KDM5B: variants seen among roughly 807,000 people sequenced by gnomAD.
The protein encoded by KDM5B is lysine-specific demethylase 5B.
In KDM5B, 144 loss-of-function variants were observed where a neutral mutation model predicts 193.4. That is an observed-to-expected ratio of 0.74 (90% CI 0.65 to 0.86). KDM5B has a LOEUF of 0.86. Ranked by LOEUF, KDM5B falls within the 40% of genes least tolerant of loss-of-function variation. The probability of loss-of-function intolerance (pLI) is 0.00; values close to 1 mark genes in which losing one functional copy is unlikely to be tolerated. For synonymous variants in KDM5B, 668 were observed against 682.6 expected (o/e 0.98, Z 0.33); for missense variants, 1,833 against 1,886.9 (o/e 0.97, Z 0.53).
chr1:202,791,560 A>G (rs1006925878), intron 1 of KDM5B, among the ~76,000 whole-genome samples: 1 of 151,756 alleles, frequency 6.6e-6, no homozygotes, highest in Non-Finnish European at 1.5e-5. Context: ...ACGCAACCCT[A>G]CTCTAATCCA....
Position 202,748,030 on chromosome 1 carries a change from C to T in KDM5B, c.2016+915G>A, listed in dbSNP as rs1421969859. On this transcript the variant is annotated intron_variant, in intron 14 of 26. Coordinates refer to ENST00000367265, the MANE Select transcript of KDM5B (RefSeq NM_006618.5). ...AGACTTCTTAGAAAGCTACAATAAT[C>T]AAGACCATTTAGTATTAGCAATAGA... Among the ~76,000 whole-genome samples the T allele has an allele frequency of 2.0e-5, 3 of 152,046 alleles. No homozygotes were observed. The East Asian group carries it at 5.8e-4, about 29-fold the overall frequency.
chr1:202,756,593 A>C (rs1229034127), intron 9 of KDM5B, 77 bp from the exon 10 acceptor site: 10 of 1,125,186 alleles, frequency 8.9e-6, no homozygotes, highest in Non-Finnish European at 1.2e-5. Flanking sequence ...GATGGGAATC[A>C]AAGAACAGCA....
chr1:202,807,713 C>A (rs1204622406), intron 1 of KDM5B, among the ~76,000 whole-genome samples: 2 of 148,714 alleles, frequency 1.3e-5, no homozygotes, highest in Admixed American at 6.7e-5. Flanking sequence ...GCCTGCCGAG[C>A]CTCGCCGGGC....
At chr1:202,789,045 C>T (rs117809720) in intron 1 of KDM5B, among the ~76,000 whole-genome samples, 1,753 of 152,240 alleles carry the variant, frequency 0.012, 45 homozygotes, top group South Asian at 0.098. Flanking sequence ...AAACATCCCA[C>T]ACCCTAACTT....
chr1:202,744,122 C>A (rs1233411485), intron 16 of KDM5B, among the ~76,000 whole-genome samples: 5 of 151,916 alleles, frequency 3.3e-5, no homozygotes, highest in Non-Finnish European at 7.4e-5. Flanking sequence ...ATATAAGGAA[C>A]TTAAAACAAA....
At chr1:202,769,802 G>T (rs1656638088) in intron 4 of KDM5B, among the ~76,000 whole-genome samples, 1 of 151,694 alleles carries the variant, frequency 6.6e-6, no homozygotes, top group Non-Finnish European at 1.5e-5. Context: ...GTCCTCAGTT[G>T]AGCATTTAGA....
At chr1:202,799,330 C>T (rs1184495995) in intron 1 of KDM5B, among the ~76,000 whole-genome samples, 1 of 152,200 alleles carries the variant, frequency 6.6e-6, no homozygotes, top group African/African-American at 2.4e-5. Flanking sequence ...CTCCTGTCCT[C>T]TTTTACATAA....
At chr1:202,734,280 C>T (rs114566381) in intron 22 of KDM5B, among the ~76,000 whole-genome samples, 3,135 of 137,150 alleles carry the variant, frequency 0.023, 76 homozygotes, top group Non-Finnish European at 0.032. Flanking sequence ...CCAGAATAAA[C>T]TCTCCATTAT....
Position 202,808,327 on chromosome 1 carries a change from G to A in KDM5B, c.-22C>T. On this transcript the variant is annotated 5_prime_UTR_variant, in exon 1 of 27. Coordinates refer to ENST00000367265, the MANE Select transcript of KDM5B (RefSeq NM_006618.5). ...CCATCACCGCAGGCTGGGCAAGGGC[G>A]AGGCGAAGGTGGGCTCCGGGACCGA... 1 of 1,557,646 alleles carries A rather than the reference G, an allele frequency of 6.4e-7. No individual in the cohort carries two copies. Among genetic ancestry groups the A allele is most frequent in the African/African-American group, 1.4e-5 (1 of 73,746 alleles).
intron 9 of KDM5B, among the ~76,000 whole-genome samples, chr1:202,757,213 C>G (rs1656057568): frequency 6.6e-6 from 1 of 152,284 alleles, no homozygotes; most frequent in Admixed American, 6.5e-5. Context: ...TGACAGGACG[C>G]AGAGCTCGGG....
chr1:202,796,729 G>T, intron 1 of KDM5B: 1 of 182,726 alleles, frequency 5.5e-6, no homozygotes. Flanking sequence ...ACGAGCTAGT[G>T]AAGAGCTGGC....
intron 16 of KDM5B, among the ~76,000 whole-genome samples, chr1:202,743,719 A>G (rs573728208): frequency 6.6e-6 from 1 of 152,362 alleles, no homozygotes; most frequent in African/African-American, 2.4e-5. Flanking sequence ...TCTTCAACTA[A>G]TCTAACAAAA....
At chr1:202,791,362 G>C (rs1470057867) in intron 1 of KDM5B, among the ~76,000 whole-genome samples, 1 of 152,112 alleles carries the variant, frequency 6.6e-6, no homozygotes, top group East Asian at 1.9e-4. Flanking sequence ...CTAGAGTTGA[G>C]ACTTCAGAAA....
At chr1:202,780,788 T>TAAA (rs11412721) in intron 1 of KDM5B, among the ~76,000 whole-genome samples, 2 of 129,262 alleles carry the variant, frequency 1.5e-5, no homozygotes, top group South Asian at 2.4e-4. Context: ...TTGCCATTAC[T>TAAA]AAAAAAAAAA....
At chr1:202,761,394 T>C (rs528444670) in intron 7 of KDM5B, among the ~76,000 whole-genome samples, 60 of 152,292 alleles carry the variant, frequency 3.9e-4, no homozygotes, top group African/African-American at 1.4e-3. Flanking sequence ...GCAGTAGCTA[T>C]GATTGTGTCA....
intron 10 of KDM5B, 24 bp from the exon 11 acceptor site, chr1:202,755,476 G>A: frequency 6.3e-7 from 1 of 1,579,746 alleles, no homozygotes; most frequent in South Asian, 1.1e-5. Context: ...GACAAAAGAG[G>A]ATAAAGGTTT....
rs114705884 is a variant in KDM5B, at chr1:202,757,154, T to G, written c.1198-638A>C. On this transcript the variant is annotated intron_variant, in intron 9 of 26. Coordinates refer to ENST00000367265, the MANE Select transcript of KDM5B (RefSeq NM_006618.5). ...CAACCTAGATCCTTTGCATAGGCAG[T>G]TCACAATAGGGTTTGCCCTCCTATG... Among the ~76,000 whole-genome samples the G allele has an allele frequency of 6.8e-3, 1,029 of 152,252 alleles. 15 individuals carry two copies. The highest frequency in any genetic ancestry group is 0.024 in the African/African-American group (998 of 41,550).
At chr1:202,744,043 TA>T (rs1655454703) in intron 16 of KDM5B, among the ~76,000 whole-genome samples, 1 of 152,000 alleles carries the variant, frequency 6.6e-6, no homozygotes, top group African/African-American at 2.4e-5. Flanking sequence ...TCAGAGTGAA[TA>T]GACAACCTAC....
chr1:202,760,206 TGG>T (rs4021241), intron 8 of KDM5B, among the ~76,000 whole-genome samples: 102,205 of 151,814 alleles, frequency 0.67, 37,017 homozygotes, highest in Admixed American at 0.82. Context: ...CCCAGCTACG[TGG>T]GGGGGGCTGA....
Sources: gnomAD v4.1 joint callset for allele counts (sites outside exome capture counted in the v4.1 genomes callset) on GRCh38, gnomAD v4.1.1 for gene constraint, MANE v1.5 for transcripts, NCBI Gene and HGNC (gene_info 2026-07-23, HGNC 2026-07-21) for gene names.